PRH1: variants seen among roughly 807,000 people sequenced by gnomAD.
PRH1 encodes salivary acidic proline-rich phosphoprotein 1/2.
Under a neutral mutation model 7.9 loss-of-function variants are expected in PRH1, and 7 were observed. The ratio of observed to expected loss-of-function variants is 0.89; its 90% CI spans 0.50 to 1.67. The LOEUF (loss-of-function observed/expected upper bound fraction) is 1.67, where lower values mean the gene tolerates loss of function less well. Among genes scored for constraint, PRH1 ranks in the 40% most tolerant of loss-of-function variants. The pLI, the probability that PRH1 is intolerant of heterozygous loss-of-function variation, is 0.00. For missense variants in PRH1, 109 were observed against 223.6 expected, an observed-to-expected ratio of 0.49 and a Z score of 3.27; for synonymous variants, 45 against 80.8, an observed-to-expected ratio of 0.56 and a Z score of 2.38.
intron 1 of PRH1, among the ~76,000 whole-genome samples, chr12:11,011,541 T>C (rs751071452): frequency 6.6e-6 from 1 of 152,138 alleles, no homozygotes; most frequent in Non-Finnish European, 1.5e-5. Flanking sequence ...TTGTTTAACC[T>C]CTCCATAATT....
intron 1 of PRH1, among the ~76,000 whole-genome samples, chr12:11,002,387 A>G (rs565093547): frequency 6.6e-6 from 1 of 152,222 alleles, no homozygotes. Context: ...CTCAGACAGT[A>G]TTTCATTAAG....
At chr12:11,063,034 AG>A (rs1943678125) in intron 1 of PRH1, among the ~76,000 whole-genome samples, 1 of 152,098 alleles carries the variant, frequency 6.6e-6, no homozygotes, top group Non-Finnish European at 1.5e-5. Context: ...GAGGTTGTCT[AG>A]GTGAAGTTAG....
At chr12:11,073,529 G>A (rs1065271) in intron 1 of PRH1, among the ~76,000 whole-genome samples, 61,299 of 140,782 alleles carry the variant, frequency 0.44, 14,544 homozygotes, top group Non-Finnish European at 0.51. Flanking sequence ...TTGGGGTTTT[G>A]GAGTCCACAA....
chr12:10,953,929 A>G (rs76154331), intron 2 of PRH1, among the ~76,000 whole-genome samples: 3,002 of 152,312 alleles, frequency 0.02, 34 homozygotes, highest in South Asian at 0.031. Context: ...CAGAAACTCT[A>G]CAACCAGGAA....
chr12:11,114,393 A>T (rs1357956678), intron 1 of PRH1, among the ~76,000 whole-genome samples: 1 of 152,196 alleles, frequency 6.6e-6, no homozygotes, highest in Admixed American at 6.5e-5. Flanking sequence ...TTCTCAGCAA[A>T]CTAACACAGG....
rs1940790525 is a variant in PRH1 at position 11,005,630 on chromosome 12, AAC to A, written c.-125-31911_-125-31910del. Among the ~76,000 whole-genome samples the A allele has an allele frequency of 2.0e-5, 3 of 152,104 alleles. No individual in the cohort carries two copies. The South Asian group carries it at 6.2e-4, about 31-fold the overall frequency. ...TATTGTTAACAAGCTCATTAACACA[AAC>A]ACACACATGCATACACGCCCCTCAT... On this transcript the variant is annotated intron_variant, in intron 1 of 3. Transcript: ENST00000539853.
At chr12:11,028,400 C>T (rs962404024) in intron 1 of PRH1, among the ~76,000 whole-genome samples, 12 of 152,224 alleles carry the variant, frequency 7.9e-5, no homozygotes, top group African/African-American at 2.9e-4. Context: ...GTCTCTCTCA[C>T]CTCACTGTGA....
At chr12:10,938,757 G>A (rs1241426370) in intron 2 of PRH1, 1 of 1,613,812 alleles carries the variant, frequency 6.2e-7, no homozygotes, top group Non-Finnish European at 8.5e-7. Flanking sequence ...GCATTTATAT[G>A]GATGTTTATC....
At chr12:11,064,078 C>A (rs1485617625) in intron 1 of PRH1, among the ~76,000 whole-genome samples, 13 of 152,030 alleles carry the variant, frequency 8.6e-5, no homozygotes, top group Admixed American at 7.9e-4. Context: ...CAAGGAACAC[C>A]AAACACAACC....
At chr12:10,920,445 T>C (rs752744189) in intron 2 of PRH1, among the ~76,000 whole-genome samples, 40 of 152,286 alleles carry the variant, frequency 2.6e-4, no homozygotes, top group Non-Finnish European at 4.9e-4. Context: ...ATTATAGTTA[T>C]GTAATTTCAC....
intron 1 of PRH1, among the ~76,000 whole-genome samples, chr12:11,019,091 A>C (rs1941452435): frequency 6.6e-6 from 1 of 152,294 alleles, no homozygotes; most frequent in Non-Finnish European, 1.5e-5. Context: ...GGATAATGTA[A>C]GGAAGAAAAG....
intron 2 of PRH1, among the ~76,000 whole-genome samples, chr12:10,959,478 T>G (rs1284522118): frequency 6.6e-6 from 1 of 151,920 alleles, no homozygotes; most frequent in African/African-American, 2.4e-5. Context: ...AAACGTAAAT[T>G]TAGACCCTTA....
intron 1 of PRH1, chr12:11,134,445 T>C (rs1946488181): frequency 1.6e-6 from 1 of 610,364 alleles, no homozygotes; most frequent in Non-Finnish European, 2.7e-6. Flanking sequence ...GCTCTCTTTA[T>C]GGAAAACATT....
chr12:10,923,990 GTTTTTTTTTTT>G lies in PRH1; in HGVS notation c.-58-39726_-58-39716del, dbSNP rs35612831. Among the ~76,000 whole-genome samples the G allele has an allele frequency of 1.6e-4, 14 of 89,460 alleles. 1 individual carries two copies. Among genetic ancestry groups the G allele is most frequent in the African/African-American group, 7.2e-4 (14 of 19,480 alleles). 58.7% of individuals were successfully genotyped at this position (89,460 alleles called of 152,430 possible). ...GTTCTTTTTATTCATTTCTCCATCT[GTTTTTTTTTTT>G]TTTTTTTTTTTTGAGACGGAGTCTC... On this transcript the variant is annotated intron_variant, in intron 2 of 3. Coordinates refer to the PRH1 transcript ENST00000539853.
intron 1 of PRH1, among the ~76,000 whole-genome samples, chr12:11,062,521 A>C (rs557734193): frequency 6.6e-6 from 1 of 152,198 alleles, no homozygotes; most frequent in Admixed American, 6.6e-5. Context: ...TTTCAAAACA[A>C]CTCAAATTAA....
At chr12:10,934,756 C>T (rs1385031088) in intron 2 of PRH1, among the ~76,000 whole-genome samples, 2 of 152,002 alleles carry the variant, frequency 1.3e-5, no homozygotes, top group Non-Finnish European at 2.9e-5. Context: ...ACTGTATGTT[C>T]TTAACATAAA....
At chr12:10,938,902 G>T in intron 2 of PRH1, 1 of 1,613,918 alleles carries the variant, frequency 6.2e-7, no homozygotes, top group South Asian at 1.1e-5. Context: ...AAGTACCGAG[G>T]CCTGTAGCTA....
At chr12:11,087,613 T>C (rs1357969458) in intron 1 of PRH1, among the ~76,000 whole-genome samples, 3 of 116,994 alleles carry the variant, frequency 2.6e-5, no homozygotes, top group African/African-American at 8.6e-5. Context: ...TCTCCTCTAC[T>C]GGCAACACAA....
intron 1 of PRH1, among the ~76,000 whole-genome samples, chr12:11,145,692 G>C (rs1425085067): frequency 6.6e-6 from 1 of 152,096 alleles, no homozygotes; most frequent in Non-Finnish European, 1.5e-5. Flanking sequence ...GAAAGCTTAT[G>C]ATTTAAAAAC....
Sources: gnomAD v4.1 joint callset for allele counts (sites outside exome capture counted in the v4.1 genomes callset) on GRCh38, gnomAD v4.1.1 for gene constraint, MANE v1.5 for transcripts, NCBI Gene and HGNC (gene_info 2026-07-23, HGNC 2026-07-21) for gene names.